Variants in TNFRSF10B observed in about 807,000 individuals in gnomAD.
TNFRSF10B encodes the protein tumor necrosis factor receptor superfamily member 10B.
In TNFRSF10B, 35 loss-of-function variants were observed where a neutral mutation model predicts 41.4. That is an observed-to-expected ratio of 0.85 (90% CI 0.65 to 1.12). The LOEUF (loss-of-function observed/expected upper bound fraction) is 1.12. TNFRSF10B is among the 50% of genes most tolerant of loss of function. The pLI is 0.00. For synonymous variants in TNFRSF10B, 230 were observed against 215.5 expected (o/e 1.07, Z -0.59); for missense variants, 584 against 552.7 (o/e 1.06, Z -0.57).
At chr8:23,030,628 A>G (rs1307925239) in intron 3 of TNFRSF10B, 131 bp downstream of exon 3, 1 of 718,910 alleles carries the variant, frequency 1.4e-6, no homozygotes, top group Non-Finnish European at 2.5e-6. Flanking sequence ...CTCAAAGACA[A>G]AATCATGGAA....
intron 1 of TNFRSF10B, among the ~76,000 whole-genome samples, chr8:23,058,647 A>G (rs1173529893): frequency 6.6e-6 from 1 of 152,014 alleles, no homozygotes; most frequent in African/African-American, 2.4e-5. Flanking sequence ...CACAATGCCC[A>G]GCTAATTTTG....
At chr8:23,063,651 G>A (rs776167564) in intron 1 of TNFRSF10B, among the ~76,000 whole-genome samples, 23 of 152,112 alleles carry the variant, frequency 1.5e-4, no homozygotes, top group Non-Finnish European at 2.8e-4. Context: ...TGCCTCAGCT[G>A]CCACTTGCCT....
chr8:23,056,330 G>T (rs147707390), intron 1 of TNFRSF10B, among the ~76,000 whole-genome samples: 1 of 152,154 alleles, frequency 6.6e-6, no homozygotes, highest in Non-Finnish European at 1.5e-5. Flanking sequence ...GTTTTTTCAG[G>T]ACTTGTTTTT....
Position 23,068,913 on chromosome 8 carries a change from T to G in TNFRSF10B, c.-19A>C. 1 of 1,613,274 alleles carries G rather than the reference T, an allele frequency of 6.2e-7. No homozygotes were observed. Among genetic ancestry groups the G allele is most frequent in the South Asian group, 1.1e-5 (1 of 91,088 alleles). On this transcript the variant is annotated 5_prime_UTR_variant, in exon 1 of 9. Coordinates refer to ENST00000276431, the MANE Select transcript of TNFRSF10B (RefSeq NM_003842.5). ...GTTCCATGGCGGTAGGGAACGCTCT[T>G]ATAGTCTCTCAGGCCCGTGGGTTTC...
At chr8:23,026,859 A>G (rs1193023858) in intron 7 of TNFRSF10B, among the ~76,000 whole-genome samples, 1 of 152,140 alleles carries the variant, frequency 6.6e-6, no homozygotes, top group Non-Finnish European at 1.5e-5. Context: ...AGCCTTATTC[A>G]CTCATCAATG....
At chr8:23,034,293 T>C (rs868368602) in intron 2 of TNFRSF10B, among the ~76,000 whole-genome samples, 1 of 152,188 alleles carries the variant, frequency 6.6e-6, no homozygotes, top group Non-Finnish European at 1.5e-5. Flanking sequence ...CATTTTAGTA[T>C]GTGTAATTGG....
rs1563328813 is a variant in TNFRSF10B, at chr8:23,068,851, C to T, written c.44G>A (p.Arg15Gln). 1.9e-6 allele frequency: 3 copies of T among 1,613,388 alleles called. No homozygotes were observed. The highest frequency in any genetic ancestry group is 1.7e-5 in the Admixed American group (1 of 60,032). Residue 15 changes from arginine (R) to glutamine (Q), a missense_variant, in exon 1 of 9, where the codon CGG (arginine) becomes CAG (glutamine). Physicochemically the swap from Arg to Gln is conservative, Grantham distance 43. Transcript: ENST00000276431. Reference protein sequence around the residue: ...GQNAPAASGARKRHGPGPREA... With the variant: ...GQNAPAASGAQKRHGPGPREA... The stretch of plus-strand genomic sequence containing the variant: ...CCTGGGTCCTGGGCCGTGCCTTTTC[C>T]GGGCCCCCGAAGCGGCCGGGGCGTT...
chr8:23,046,071 G>A (rs1284751954), intron 1 of TNFRSF10B, among the ~76,000 whole-genome samples: 1 of 152,178 alleles, frequency 6.6e-6, no homozygotes, highest in Non-Finnish European at 1.5e-5. Flanking sequence ...ACATGGTACT[G>A]GAAGTCCTAG....
intron 2 of TNFRSF10B, among the ~76,000 whole-genome samples, chr8:23,039,262 C>T (rs1812104990): frequency 6.6e-6 from 1 of 152,108 alleles, no homozygotes. Flanking sequence ...TGGTTCCTAA[C>T]AGGCCACGGA....
intron 1 of TNFRSF10B, 68 bp downstream of exon 1, chr8:23,068,683 C>T (rs1813074813): frequency 6.5e-7 from 1 of 1,532,858 alleles, no homozygotes; most frequent in Admixed American, 2.0e-5. Context: ...CCGTGTCCCC[C>T]TCTCTCCCTG....
chr8:23,067,597 G>C (rs958710292), intron 1 of TNFRSF10B, among the ~76,000 whole-genome samples: 1 of 152,136 alleles, frequency 6.6e-6, no homozygotes, highest in Non-Finnish European at 1.5e-5. Context: ...CACAGCAGGA[G>C]GGGGAGGCAG....
In TNFRSF10B at chr8:23,028,199, C is replaced by T. The variant is rs871787; in HGVS notation, c.748+132G>A. On this transcript the variant is annotated intron_variant, in intron 5 of 8. Transcript: ENST00000276431. ...CGGGATGTGGGGATGGGGGTGACCA[C>T]GAGGAGGAGGATAGAGCCAGGCTGG... 14 of 1,267,312 alleles carry T rather than the reference C, an allele frequency of 1.1e-5. No homozygotes were observed. The African/African-American group carries it at 1.3e-4, about 12-fold the overall frequency. 78.5% of individuals were successfully genotyped at this position (1,267,312 alleles called of 1,614,324 possible).
chr8:23,055,360 C>A lies in TNFRSF10B; in HGVS notation c.145-12117G>T, dbSNP rs181034917. Among the ~76,000 whole-genome samples the A allele has an allele frequency of 4.8e-3, 730 of 152,036 alleles. 7 individuals are homozygous for A. The highest frequency in any genetic ancestry group is 0.017 in the African/African-American group (688 of 41,436). ...AAAGTAGCCAGAAAGATTATGACAC[C>A]CCATCTCCCTACGATTCTCATGATA... On this transcript the variant is annotated intron_variant, in intron 1 of 8. Transcript: ENST00000276431.
rs1252795600 is a variant in TNFRSF10B at position 23,021,263 on chromosome 8, T to C, written c.*1408A>G. ...CATTCTAGGTCCTGTTGCCACAGTG[T>C]TTAAGAATTGACATTTCTGAGATGA... On this transcript the variant is annotated 3_prime_UTR_variant, in exon 9 of 9. Coordinates refer to ENST00000276431, the MANE Select transcript of TNFRSF10B (RefSeq NM_003842.5). The C allele has an allele frequency of 2.2e-6, 1 of 454,012 alleles. No individual in the cohort carries two copies. The highest frequency in any genetic ancestry group is 4.4e-6 in the Non-Finnish European group (1 of 226,800). The allele number at this position is 454,012 out of a possible 1,614,324, so 28.1% of individuals were successfully genotyped here. A position where few individuals can be genotyped will look rare whatever the true frequency, so the allele number is the denominator to read the frequency against.
chr8:23,023,254 A>G (rs1811598128), intron 8 of TNFRSF10B, among the ~76,000 whole-genome samples: 1 of 152,178 alleles, frequency 6.6e-6, no homozygotes, highest in African/African-American at 2.4e-5. Context: ...GTATGGATGG[A>G]CGTTACAGAG....
intron 1 of TNFRSF10B, among the ~76,000 whole-genome samples, chr8:23,052,616 CT>C (rs1489527126): frequency 6.6e-6 from 1 of 151,862 alleles, no homozygotes; most frequent in Admixed American, 6.6e-5. Flanking sequence ...TTATTCAAAG[CT>C]TATTTAAAGG....
At chr8:23,064,519 A>G (rs889340905) in intron 1 of TNFRSF10B, among the ~76,000 whole-genome samples, 6 of 152,032 alleles carry the variant, frequency 3.9e-5, no homozygotes, top group Admixed American at 6.5e-5. Context: ...GGGCATGGTT[A>G]AGAGAGAGAA....
chr8:23,028,838 G>A (rs1345966584), intron 4 of TNFRSF10B, among the ~76,000 whole-genome samples: 1 of 152,138 alleles, frequency 6.6e-6, no homozygotes, highest in Non-Finnish European at 1.5e-5. Context: ...GCAGTTCCAG[G>A]AGCCTTCTGT....
At chr8:23,043,476 G>C (rs1812266868) in intron 1 of TNFRSF10B, among the ~76,000 whole-genome samples, 1 of 152,174 alleles carries the variant, frequency 6.6e-6, no homozygotes, top group African/African-American at 2.4e-5. Context: ...AGAAAATGTG[G>C]GCAAGGAAAG....
Sources: gnomAD v4.1 joint callset for allele counts (sites outside exome capture counted in the v4.1 genomes callset) on GRCh38, gnomAD v4.1.1 for gene constraint, MANE v1.5 for transcripts, NCBI Gene and HGNC (gene_info 2026-07-23, HGNC 2026-07-21) for gene names.